Variants in SCARA3 observed in about 807,000 individuals in gnomAD.
The protein encoded by SCARA3 is scavenger receptor class A member 3.
In SCARA3, 39 loss-of-function variants were observed where a neutral mutation model predicts 47.0. That is an observed-to-expected ratio of 0.83 (90% CI 0.64 to 1.08). The LOEUF (loss-of-function observed/expected upper bound fraction) is 1.08. SCARA3 is among the 50% of genes least tolerant of loss of function. The pLI is 0.00. For synonymous variants in SCARA3, 356 were observed against 334.1 expected, an observed-to-expected ratio of 1.07 and a Z score of -0.71; for missense variants, 724 against 792.3, an observed-to-expected ratio of 0.91 and a Z score of 1.04.
At chr8:27,710,549 T>G in the SCARA3 span, among the ~76,000 whole-genome samples, 2 of 152,168 alleles carry the variant, frequency 1.3e-5, no homozygotes, top group African/African-American at 4.8e-5. Flanking sequence ...TATCACCCCA[T>G]GGCCGCACGT....
intron 2 of SCARA3, 147 bp downstream of exon 2, chr8:27,649,947 A>C: frequency 1.5e-6 from 1 of 664,006 alleles, no homozygotes; most frequent in Non-Finnish European, 2.6e-6. Flanking sequence ...GTGAAAGGGC[A>C]GAGTTCACGG....
At chr8:27,641,938 T>C (rs887477704) in intron 1 of SCARA3, among the ~76,000 whole-genome samples, 1 of 152,234 alleles carries the variant, frequency 6.6e-6, no homozygotes, top group Non-Finnish European at 1.5e-5. Context: ...CCTCTGCCTC[T>C]GAACATAGGT....
At chr8:27,655,307 T>C (rs1011045414) in intron 3 of SCARA3, among the ~76,000 whole-genome samples, 1 of 152,190 alleles carries the variant, frequency 6.6e-6, no homozygotes, top group Non-Finnish European at 1.5e-5. Flanking sequence ...CTCAGTGCTC[T>C]TGGTGGTGCT....
the SCARA3 span, among the ~76,000 whole-genome samples, chr8:27,694,075 C>T: frequency 6.6e-6 from 1 of 152,196 alleles, no homozygotes; most frequent in African/African-American, 2.4e-5. Context: ...TCTAAATTAA[C>T]TGAGACCTGT....
At chr8:27,660,790 G>T (rs928762694) in intron 5 of SCARA3, among the ~76,000 whole-genome samples, 1 of 151,506 alleles carries the variant, frequency 6.6e-6, no homozygotes, top group Non-Finnish European at 1.5e-5. Context: ...AAACAGAGAT[G>T]ATAGGGATGA....
the SCARA3 span, among the ~76,000 whole-genome samples, chr8:27,711,848 T>G: frequency 6.6e-6 from 1 of 152,286 alleles, no homozygotes; most frequent in Non-Finnish European, 1.5e-5. Flanking sequence ...CAGCTTCCCC[T>G]ATTATTAACC....
chr8:27,638,230 G>T (rs1299981109), intron 1 of SCARA3, among the ~76,000 whole-genome samples: 1 of 152,150 alleles, frequency 6.6e-6, no homozygotes, highest in Non-Finnish European at 1.5e-5. Flanking sequence ...TGTTCTGGGT[G>T]TTAGAATTGA....
the SCARA3 span, among the ~76,000 whole-genome samples, chr8:27,691,300 C>A: frequency 6.6e-6 from 1 of 152,112 alleles, no homozygotes; most frequent in South Asian, 2.1e-4. Context: ...TGCGTCTGGA[C>A]CCCACCCCAA....
chr8:27,634,517 G>A (rs1232446064), intron 1 of SCARA3, among the ~76,000 whole-genome samples: 1 of 152,088 alleles, frequency 6.6e-6, no homozygotes, highest in African/African-American at 2.4e-5. Flanking sequence ...ACCAGTAGAC[G>A]CAGAAAGGCA....
chr8:27,711,750 T>C, the SCARA3 span, among the ~76,000 whole-genome samples: 2 of 152,056 alleles, frequency 1.3e-5, no homozygotes, highest in Non-Finnish European at 2.9e-5. Flanking sequence ...ATATTTAAAA[T>C]AGACCTTTTT....
At chr8:27,725,056 A>T in the SCARA3 span, among the ~76,000 whole-genome samples, 1 of 152,212 alleles carries the variant, frequency 6.6e-6, no homozygotes, top group Non-Finnish European at 1.5e-5. Flanking sequence ...AGGCCAAGGT[A>T]GGAGGATCAC....
Position 27,671,968 on chromosome 8 carries a change from C to T in SCARA3, c.*617C>T. 1.0e-6 allele frequency: 1 copy of T among 985,416 alleles called. No homozygotes were observed. The highest frequency in any genetic ancestry group is 1.2e-6 in the Non-Finnish European group (1 of 829,942). 61.0% of individuals were successfully genotyped at this position (985,416 alleles called of 1,614,324 possible). A position where few individuals can be genotyped will look rare whatever the true frequency, so the allele number is the denominator to read the frequency against. On this transcript the variant is annotated 3_prime_UTR_variant, in exon 6 of 6. Coordinates refer to ENST00000301904, the MANE Select transcript of SCARA3 (RefSeq NM_016240.3). The stretch of plus-strand genomic sequence containing the variant: ...CTCGGGAGGAAGGTCTCACATCTGT[C>T]TCTGGGCACCCATGCTGGCCAGCAG...
At chr8:27,689,651 T>C in the SCARA3 span, among the ~76,000 whole-genome samples, 1 of 152,034 alleles carries the variant, frequency 6.6e-6, no homozygotes, top group African/African-American at 2.4e-5. Flanking sequence ...AACCGTGTGT[T>C]TGGGGATGGC....
downstream of SCARA3, among the ~76,000 whole-genome samples, chr8:27,678,681 T>G (rs1345163449): frequency 6.6e-6 from 1 of 152,196 alleles, no homozygotes; most frequent in Admixed American, 6.5e-5. Context: ...AAACTTCTTC[T>G]GAGTCTAGCA....
At position 27,670,935 on chromosome 8, in the gene SCARA3, G is replaced by T. The variant is rs752027448; in HGVS notation, c.1405G>T (p.Gly469Ter). The T allele has an allele frequency of 6.4e-7, 1 of 1,572,796 alleles. No homozygotes were observed. ...PGPPGPRGFK[G>*]DMGVKGPVGG... ...CCCTCCAGGACCAAGAGGATTCAAA[G>T]GAGATATGGGCGTGAAAGGGCCTGT... The change falls in exon 6 of 6, where the codon GGA becomes TGA. Residue 469 changes from glycine (G) to a stop codon, truncating the protein, a stop_gained. Coordinates refer to ENST00000301904, the MANE Select transcript of SCARA3 (RefSeq NM_016240.3). LOFTEE classifies it high-confidence loss of function.
At chr8:27,676,741 TATAA>T, downstream of SCARA3, 1 of 540,834 alleles carries the variant, frequency 1.8e-6, no homozygotes, top group Non-Finnish European at 3.3e-6. Flanking sequence ...GAAAATAATT[TATAA>T]ATAAATAAAT....
chr8:27,679,595 T>C (rs968794511), downstream of SCARA3, among the ~76,000 whole-genome samples: 1 of 152,190 alleles, frequency 6.6e-6, no homozygotes, highest in Non-Finnish European at 1.5e-5. Flanking sequence ...TTTGAGAAGA[T>C]ATGAATTAGG....
At chr8:27,649,251 G>A (rs1801578033) in intron 1 of SCARA3, among the ~76,000 whole-genome samples, 1 of 152,176 alleles carries the variant, frequency 6.6e-6, no homozygotes, top group Non-Finnish European at 1.5e-5. Context: ...GCCTCCTCCT[G>A]GCTATGCTGG....
downstream of SCARA3, among the ~76,000 whole-genome samples, chr8:27,673,593 G>A (rs983429746): frequency 1.3e-5 from 2 of 152,176 alleles, no homozygotes; most frequent in African/African-American, 4.8e-5. Flanking sequence ...CAAAAGGGCA[G>A]GGGGTGAGGA....
Sources: allele counts gnomAD v4.1 joint callset (sites outside exome capture counted in the v4.1 genomes callset), GRCh38; gene constraint gnomAD v4.1.1; transcripts MANE v1.5; gene names NCBI Gene and HGNC (gene_info 2026-07-23, HGNC 2026-07-21).